The following UBTD1 variants were observed in gnomAD, a reference collection of about 807,000 sequenced individuals.
The protein encoded by UBTD1 is ubiquitin domain-containing protein 1.
A neutral mutation model predicts 21.7 loss-of-function variants in UBTD1; 19 were observed. That is an observed-to-expected ratio of 0.87 (90% confidence interval 0.61 to 1.28). The LOEUF is 1.28. Among genes scored for constraint, UBTD1 ranks in the 50% most tolerant of loss-of-function variants. The probability of loss-of-function intolerance (pLI) is 0.00; values close to 1 mark genes in which losing one functional copy is unlikely to be tolerated. For missense variants in UBTD1, 282 were observed against 315.1 expected, an observed-to-expected ratio of 0.89 and a Z score of 0.80; for synonymous variants, 116 against 135.1, an observed-to-expected ratio of 0.86 and a Z score of 0.98.
At chr10:97,546,535 A>C (rs1327018456) in intron 1 of UBTD1, among the ~76,000 whole-genome samples, 4 of 147,872 alleles carry the variant, frequency 2.7e-5, no homozygotes, top group Non-Finnish European at 5.9e-5. Context: ...GGCTGCAGTG[A>C]GCCTGATCAC....
intron 1 of UBTD1, among the ~76,000 whole-genome samples, chr10:97,539,667 C>T (rs1326159866): frequency 6.6e-6 from 1 of 152,154 alleles, no homozygotes; most frequent in Non-Finnish European, 1.5e-5. Context: ...AAACAGGCCT[C>T]ACCTGCCTAC....
chr10:97,520,696 G>T (rs1229222334), intron 1 of UBTD1, among the ~76,000 whole-genome samples: 1 of 152,152 alleles, frequency 6.6e-6, no homozygotes, highest in East Asian at 1.9e-4. Flanking sequence ...AGGGCTGCCT[G>T]CTGGTCCATG....
chr10:97,561,613 C>A (rs140235549), intron 1 of UBTD1, among the ~76,000 whole-genome samples: 1 of 152,284 alleles, frequency 6.6e-6, no homozygotes. Context: ...TGTCTGGAAT[C>A]TATGAATAAC....
intron 1 of UBTD1, among the ~76,000 whole-genome samples, chr10:97,519,019 A>G (rs902700821): frequency 6.6e-6 from 1 of 152,268 alleles, no homozygotes; most frequent in Non-Finnish European, 1.5e-5. Context: ...TAGCAGAACC[A>G]GACCAGAACC....
chr10:97,549,522 A>G (rs947830406), intron 1 of UBTD1, among the ~76,000 whole-genome samples: 2 of 152,250 alleles, frequency 1.3e-5, no homozygotes, highest in African/African-American at 2.4e-5. Context: ...CAGACAAACA[A>G]GATCATTGCA....
At chr10:97,504,835 A>G (rs538331413) in intron 1 of UBTD1, among the ~76,000 whole-genome samples, 13 of 152,292 alleles carry the variant, frequency 8.5e-5, no homozygotes, top group East Asian at 1.9e-4. Flanking sequence ...GTGGTGTTCT[A>G]TCTCTGGGAC....
At chr10:97,530,378 C>T (rs2040523304) in intron 1 of UBTD1, among the ~76,000 whole-genome samples, 1 of 152,174 alleles carries the variant, frequency 6.6e-6, no homozygotes, top group African/African-American at 2.4e-5. Flanking sequence ...TTTGAGGCTG[C>T]AGTGAGTTAC....
intron 1 of UBTD1, among the ~76,000 whole-genome samples, chr10:97,508,435 A>G (rs191400279): frequency 3.9e-4 from 59 of 152,196 alleles, no homozygotes; most frequent in Non-Finnish European, 6.9e-4. Context: ...ATGCCTACCT[A>G]TTTTACATAT....
chr10:97,534,569 ACG>A (rs1265177158), intron 1 of UBTD1, among the ~76,000 whole-genome samples: 2,811 of 109,450 alleles, frequency 0.026, 93 homozygotes, highest in African/African-American at 0.069. Context: ...AGGAACACAC[ACG>A]CGCGCGCGCA....
intron 1 of UBTD1, among the ~76,000 whole-genome samples, chr10:97,520,520 A>G (rs142187875): frequency 7.4e-4 from 113 of 152,316 alleles, no homozygotes; most frequent in Non-Finnish European, 1.5e-3. Flanking sequence ...AAGACATACT[A>G]CAAAGGTAAG....
At chr10:97,550,503 C>T (rs1192036158) in intron 1 of UBTD1, among the ~76,000 whole-genome samples, 1 of 152,180 alleles carries the variant, frequency 6.6e-6, no homozygotes, top group Non-Finnish European at 1.5e-5. Context: ...GCCTGCCTCC[C>T]TGCTGCTGCA....
rs149269582 is a variant in UBTD1, at chr10:97,522,802, A to G, written c.70+23529A>G. ...GCCATTTGGTGCCAGGAATAAGACAAAGCAGCTTGGAAGAGGGGTCTGGAG... is the reference window on the plus strand; with the variant it reads ...GCCATTTGGTGCCAGGAATAAGACAGAGCAGCTTGGAAGAGGGGTCTGGAG... On this transcript the variant is annotated intron_variant, in intron 1 of 2. Coordinates refer to ENST00000370664, the MANE Select transcript of UBTD1 (RefSeq NM_024954.5). Among the ~76,000 whole-genome samples the G allele has an allele frequency of 3.9e-3, 600 of 152,250 alleles. 5 individuals carry two copies. The highest frequency in any genetic ancestry group is 0.014 in the African/African-American group (576 of 41,546).
chr10:97,503,848 G>A (rs1033132440), intron 1 of UBTD1, among the ~76,000 whole-genome samples: 1 of 152,106 alleles, frequency 6.6e-6, no homozygotes, highest in Non-Finnish European at 1.5e-5. Context: ...TATTATATAT[G>A]CTGGTGACTC....
At chr10:97,563,045 A>G (rs926454882) in intron 1 of UBTD1, among the ~76,000 whole-genome samples, 1 of 152,058 alleles carries the variant, frequency 6.6e-6, no homozygotes, top group Non-Finnish European at 1.5e-5. Context: ...AAAGGGTAAT[A>G]TTGTGGGGTT....
At chr10:97,554,491 C>A (rs149265111) in intron 1 of UBTD1, among the ~76,000 whole-genome samples, 1 of 152,144 alleles carries the variant, frequency 6.6e-6, no homozygotes, top group East Asian at 1.9e-4. Flanking sequence ...AAGCGATCCA[C>A]CTGCCTCGGC....
intron 1 of UBTD1, among the ~76,000 whole-genome samples, chr10:97,502,053 T>C (rs981251138): frequency 6.6e-6 from 1 of 152,224 alleles, no homozygotes; most frequent in Non-Finnish European, 1.5e-5. Context: ...ATCCTTGTAG[T>C]ATATGTCTCT....
intron 1 of UBTD1, among the ~76,000 whole-genome samples, chr10:97,563,523 T>TG (rs1420555423): frequency 1.3e-5 from 2 of 151,822 alleles, no homozygotes; most frequent in East Asian, 3.9e-4. Flanking sequence ...GACTGGAGAA[T>TG]GGGGGCAAGT....
At chr10:97,525,518 G>A (rs1381868929) in intron 1 of UBTD1, among the ~76,000 whole-genome samples, 1 of 152,190 alleles carries the variant, frequency 6.6e-6, no homozygotes, top group Non-Finnish European at 1.5e-5. Context: ...TGGAGACTTG[G>A]AAGCTCATGG....
intron 1 of UBTD1, among the ~76,000 whole-genome samples, chr10:97,555,975 G>C (rs1201656268): frequency 6.6e-6 from 1 of 152,086 alleles, no homozygotes; most frequent in Non-Finnish European, 1.5e-5. Flanking sequence ...CTTTTTATTA[G>C]TGGGAGTTCT....
Sources: gnomAD v4.1 joint callset for allele counts (sites outside exome capture counted in the v4.1 genomes callset) on GRCh38, gnomAD v4.1.1 for gene constraint, MANE v1.5 for transcripts, NCBI Gene and HGNC (gene_info 2026-07-23, HGNC 2026-07-21) for gene names.